The following PCDH15 variants were observed in gnomAD, a reference collection of about 807,000 sequenced individuals.
PCDH15 encodes protocadherin-15.
Under a neutral mutation model 178.5 loss-of-function variants are expected in PCDH15, and 129 were observed. The observed-to-expected ratio is 0.72, with a 90% CI of 0.63 to 0.84. The LOEUF is 0.84. Ranked by LOEUF, PCDH15 falls within the 40% of genes least tolerant of loss-of-function variation. The pLI, the probability that PCDH15 is intolerant of heterozygous loss-of-function variation, is 0.00. For synonymous variants in PCDH15, 800 were observed against 732.0 expected, an observed-to-expected ratio of 1.09 and a Z score of -1.50; for missense variants, 2,230 against 2,099.9, an observed-to-expected ratio of 1.06 and a Z score of -1.21.
intron 30 of PCDH15, 104 bp from the exon 31 acceptor site, chr10:53,828,677 C>A: frequency 2.1e-6 from 2 of 966,762 alleles, no homozygotes; most frequent in Non-Finnish European, 3.2e-6. Flanking sequence ...ATAATTTATA[C>A]GTTAAATTCA....
At chr10:54,914,289 T>C (rs986876692) in intron 2 of PCDH15, among the ~76,000 whole-genome samples, 1 of 152,086 alleles carries the variant, frequency 6.6e-6, no homozygotes, top group Non-Finnish European at 1.5e-5. Flanking sequence ...GATTTCATTG[T>C]TTAAAAGGGT....
chr10:55,346,421 A>C (rs1023400250), intron 2 of PCDH15, among the ~76,000 whole-genome samples: 1 of 152,120 alleles, frequency 6.6e-6, no homozygotes, highest in African/African-American at 2.4e-5. Context: ...TTTTCTTTGG[A>C]GGATCAGCTT....
intron 27 of PCDH15, among the ~76,000 whole-genome samples, chr10:53,858,005 G>A (rs911889771): frequency 1.3e-5 from 2 of 151,392 alleles, no homozygotes; most frequent in African/African-American, 2.4e-5. Context: ...ATATCATTTC[G>A]ATTTTAAAAC....
chr10:55,239,757 A>C (rs1841490745), intron 1 of PCDH15, among the ~76,000 whole-genome samples: 1 of 152,178 alleles, frequency 6.6e-6, no homozygotes, highest in Non-Finnish European at 1.5e-5. Context: ...ACAACGCCTT[A>C]GAAAAGGAAA....
chr10:55,559,621 G>T (rs1842154323), intron 2 of PCDH15, among the ~76,000 whole-genome samples: 1 of 151,852 alleles, frequency 6.6e-6, no homozygotes, highest in African/African-American at 2.4e-5. Context: ...ATATTGAAAT[G>T]TAAAAATTGT....
chr10:54,345,319 A>G (rs918575014), intron 6 of PCDH15, among the ~76,000 whole-genome samples: 12 of 152,134 alleles, frequency 7.9e-5, no homozygotes, highest in Non-Finnish European at 1.6e-4. Flanking sequence ...TTGTCTGTCT[A>G]AAGTTTATCT....
chr10:54,382,199 C>T (rs1178290970), intron 3 of PCDH15, among the ~76,000 whole-genome samples: 1 of 152,098 alleles, frequency 6.6e-6, no homozygotes, highest in East Asian at 1.9e-4. Context: ...CCATTTACCT[C>T]TAGGGACGTT....
chr10:55,153,311 G>A (rs747930628), intron 2 of PCDH15, among the ~76,000 whole-genome samples: 22 of 152,088 alleles, frequency 1.4e-4, no homozygotes, highest in Non-Finnish European at 2.5e-4. Flanking sequence ...AGTGGGAGGT[G>A]AAATCCAGCC....
chr10:55,227,631 G>A lies in PCDH15; in HGVS notation c.-155-60980C>T, dbSNP rs146623901. On this transcript the variant is annotated intron_variant, in intron 1 of 5. Transcript: ENST00000458638. ...AAATGTAAGGCTTAAGTCATAAGAG[G>A]TCTATTGAGAACTAAGAAAAGTATA... Among the ~76,000 whole-genome samples, 8 of 152,166 alleles carry A rather than the reference G, an allele frequency of 5.3e-5. No homozygotes were observed. In the East Asian group the frequency reaches 1.4e-3, roughly 26 times the overall value.
chr10:54,820,625 T>G (rs1953022261), intron 3 of PCDH15, among the ~76,000 whole-genome samples: 1 of 152,066 alleles, frequency 6.6e-6, no homozygotes, highest in Admixed American at 6.6e-5. Context: ...TTAAATATCC[T>G]GATTTGTGAT....
At chr10:54,093,451 T>C (rs899787753) in intron 15 of PCDH15, among the ~76,000 whole-genome samples, 2 of 152,180 alleles carry the variant, frequency 1.3e-5, no homozygotes, top group Non-Finnish European at 2.9e-5. Context: ...GAGTTAGCAC[T>C]TGTATAGACA....
At chr10:54,058,017 T>A (rs2093934320) in intron 18 of PCDH15, among the ~76,000 whole-genome samples, 1 of 152,194 alleles carries the variant, frequency 6.6e-6, no homozygotes. Flanking sequence ...CATATCACTA[T>A]CAGCATTTTG....
At chr10:54,182,506 A>AGTGTGTGTGT (rs71007813) in intron 13 of PCDH15, among the ~76,000 whole-genome samples, 107 of 148,078 alleles carry the variant, frequency 7.2e-4, no homozygotes, top group African/African-American at 2.1e-3. Context: ...AGAGAAAAAA[A>AGTGTGTGTGT]GTGTGTGTGT....
rs1554809287 is a variant in PCDH15, at chr10:54,873,716, T to TAA, written c.-29+23732_-29+23733dup. ...TATTTTATATATATATATATATATA[T>TAA]AATATATGTGTATGTATATATGTAT... On this transcript the variant is annotated intron_variant, in intron 3 of 5. Coordinates refer to the PCDH15 transcript ENST00000458638. Among the ~76,000 whole-genome samples, 146 of 144,736 alleles carry TAA rather than the reference T, an allele frequency of 1.0e-3. 1 individual carries two copies. The highest frequency in any genetic ancestry group is 3.2e-3 in the African/African-American group (127 of 39,750). The allele number at this position is 144,736 out of a possible 152,430, so 95.0% of individuals were successfully genotyped here. A position where few individuals can be genotyped will look rare whatever the true frequency, so the allele number is the denominator to read the frequency against.
intron 2 of PCDH15, among the ~76,000 whole-genome samples, chr10:55,126,918 AT>A (rs1333892478): frequency 5.1e-5 from 7 of 138,048 alleles, no homozygotes; most frequent in East Asian, 2.1e-4. Context: ...AAAAAAAAAA[AT>A]GTTTTATTTC....
chr10:54,061,530 T>A (rs2094012987), intron 18 of PCDH15, among the ~76,000 whole-genome samples: 1 of 152,140 alleles, frequency 6.6e-6, no homozygotes, highest in East Asian at 1.9e-4. Flanking sequence ...ATTTCCTTTT[T>A]TTTTTAAATT....
intron 2 of PCDH15, among the ~76,000 whole-genome samples, chr10:54,928,453 C>T (rs1837685042): frequency 6.6e-6 from 1 of 152,022 alleles, no homozygotes; most frequent in Non-Finnish European, 1.5e-5. Context: ...TACTGGGGTT[C>T]TCAGCATTTT....
intron 13 of PCDH15, among the ~76,000 whole-genome samples, chr10:54,154,947 A>T (rs2044947170): frequency 6.6e-6 from 1 of 152,200 alleles, no homozygotes; most frequent in South Asian, 2.1e-4. Context: ...CAAGCCAGAC[A>T]AACTAATTCT....
At chr10:55,573,274 A>G (rs1842439917) in intron 2 of PCDH15, among the ~76,000 whole-genome samples, 2 of 152,102 alleles carry the variant, frequency 1.3e-5, no homozygotes, top group East Asian at 1.9e-4. Flanking sequence ...TCAACTGCCA[A>G]CTGGCAGTAT....
Sources: gnomAD v4.1 joint callset for allele counts (sites outside exome capture counted in the v4.1 genomes callset) on GRCh38, gnomAD v4.1.1 for gene constraint, MANE v1.5 for transcripts, NCBI Gene and HGNC (gene_info 2026-07-23, HGNC 2026-07-21) for gene names.